The following TJP2 variants were observed in gnomAD, a reference collection of about 807,000 sequenced individuals.
TJP2 encodes the protein Friedreich ataxia region gene X104 (tight junction protein ZO-2).
A neutral mutation model predicts 133.1 loss-of-function variants in TJP2; 91 were observed. The ratio of observed to expected loss-of-function variants is 0.68; its 90% CI spans 0.58 to 0.81. The LOEUF is 0.81. Ranked by LOEUF, TJP2 falls within the 40% of genes least tolerant of loss-of-function variation. The pLI, the probability that TJP2 is intolerant of heterozygous loss-of-function variation, is 0.00. For missense variants in TJP2, 1,541 were observed against 1,565.6 expected (o/e 0.98, Z 0.26); for synonymous variants, 592 against 583.4 (o/e 1.01, Z -0.21).
intron 1 of TJP2, among the ~76,000 whole-genome samples, chr9:69,205,597 C>T (rs1448397778): frequency 6.6e-6 from 1 of 152,132 alleles, no homozygotes; most frequent in Admixed American, 6.5e-5. Flanking sequence ...AAACTTTTTG[C>T]TTTCTTACAC....
upstream of TJP2, among the ~76,000 whole-genome samples, chr9:69,169,783 ATTC>A (rs1824579407): frequency 6.6e-6 from 1 of 152,196 alleles, no homozygotes; most frequent in African/African-American, 2.4e-5. Flanking sequence ...AGATCTCCAC[ATTC>A]TTGAGAAAAT....
intron 12 of TJP2, among the ~76,000 whole-genome samples, chr9:69,235,620 C>A (rs760326325): frequency 6.6e-6 from 1 of 152,294 alleles, no homozygotes; most frequent in Non-Finnish European, 1.5e-5. Flanking sequence ...CCACGCCCAG[C>A]CTAGTTTCCT....
At position 69,121,980 on chromosome 9, in the gene TJP2, A is replaced by G. The variant is rs565675482; in HGVS notation, c.-131+255A>G. 241 of 152,406 alleles carry G rather than the reference A, an allele frequency of 1.6e-3. 1 individual carries two copies. Among genetic ancestry groups the G allele is most frequent in the Middle Eastern group, 0.01 (3 of 296 alleles). 9.4% of individuals were successfully genotyped at this position (152,406 alleles called of 1,614,324 possible). A position where few individuals can be genotyped will look rare whatever the true frequency, so the allele number is the denominator to read the frequency against. On this transcript the variant is annotated intron_variant, in intron 1 of 5. Coordinates refer to the TJP2 transcript ENST00000423935. Reference sequence around the variant, plus strand: ...GGTTTCTCTGCAGAGTGCGCTGTGTACTTCATCGGGCATTTACTTTTTCAC... The same window carrying G: ...GGTTTCTCTGCAGAGTGCGCTGTGTGCTTCATCGGGCATTTACTTTTTCAC...
In TJP2 at chr9:69,240,283, T is replaced by C. The variant is rs376388000; in HGVS notation, c.2566+136T>C. ...ACTCCTTGAAAAATAGTTAATCCTATAAAATGGGATATTAGGCCAATGGCA... is the reference window on the plus strand; with the variant it reads ...ACTCCTTGAAAAATAGTTAATCCTACAAAATGGGATATTAGGCCAATGGCA... On this transcript the variant is annotated intron_variant, in intron 17 of 22. Transcript: ENST00000377245. The C allele has an allele frequency of 5.5e-6, 5 of 903,162 alleles. No homozygotes were observed. In the African/African-American group the frequency reaches 6.7e-5, roughly 12 times the overall value. 55.9% of individuals were successfully genotyped at this position (903,162 alleles called of 1,614,324 possible).
intron 2 of TJP2, among the ~76,000 whole-genome samples, chr9:69,167,865 CA>C (rs33986127): frequency 0.44 from 56,901 of 128,714 alleles, 11,331 homozygotes; most frequent in East Asian, 0.63. Flanking sequence ...GAGAGTCTGT[CA>C]AAAAAAAAAA....
At chr9:69,236,356 C>A in intron 13 of TJP2, 118 bp downstream of exon 13, 1 of 1,000,350 alleles carries the variant, frequency 1.0e-6, no homozygotes, top group South Asian at 1.4e-5. Flanking sequence ...TACTTGTCAC[C>A]ATCTATTTCT....
At chr9:69,211,766 CTCCATCTGTGTGCTGGTATTTTTT>C (rs1827931158) in intron 1 of TJP2, among the ~76,000 whole-genome samples, 1 of 152,228 alleles carries the variant, frequency 6.6e-6, no homozygotes, top group African/African-American at 2.4e-5. Context: ...GTCACTGCAT[CTCCATCTGTGTGCTGGTATTTTTT>C]TCCCCTAATA....
At chr9:69,202,787 G>GGAGGCAGGC (rs1443943159) in intron 1 of TJP2, among the ~76,000 whole-genome samples, 1 of 151,880 alleles carries the variant, frequency 6.6e-6, no homozygotes, top group Non-Finnish European at 1.5e-5. Context: ...GGGAGGCAGG[G>GGAGGCAGGC]GAGGCAGGCA....
At chr9:69,160,762 AAG>A (rs1032965124) in intron 2 of TJP2, among the ~76,000 whole-genome samples, 8 of 152,344 alleles carry the variant, frequency 5.3e-5, no homozygotes, top group African/African-American at 1.9e-4. Flanking sequence ...ATCATGGCAG[AAG>A]GTAAAAAGCA....
intron 12 of TJP2, 83 bp from the exon 13 acceptor site, chr9:69,235,945 A>C: frequency 7.7e-7 from 1 of 1,297,800 alleles, no homozygotes; most frequent in Non-Finnish European, 1.1e-6. Flanking sequence ...AGGGGAGATC[A>C]GAGATAGGAG....
At chr9:69,199,719 C>T (rs1826850951) in intron 1 of TJP2, among the ~76,000 whole-genome samples, 3 of 152,160 alleles carry the variant, frequency 2.0e-5, no homozygotes, top group African/African-American at 7.2e-5. Flanking sequence ...TCCTTTCTTT[C>T]CTTTCTCCCT....
At chr9:69,213,652 C>A (rs1354722753) in intron 2 of TJP2, among the ~76,000 whole-genome samples, 1 of 152,216 alleles carries the variant, frequency 6.6e-6, no homozygotes, top group Non-Finnish European at 1.5e-5. Context: ...ACTTCCAGAT[C>A]AGTAATCACA....
chr9:69,153,199 C>T (rs548945384), intron 2 of TJP2, among the ~76,000 whole-genome samples: 1 of 152,098 alleles, frequency 6.6e-6, no homozygotes, highest in East Asian at 1.9e-4. Context: ...CACCACTGCA[C>T]CCCAGCCTGG....
intron 3 of TJP2, 118 bp downstream of exon 3, chr9:69,216,581 T>C: frequency 1.7e-6 from 2 of 1,149,934 alleles, no homozygotes; most frequent in Non-Finnish European, 2.4e-6. Flanking sequence ...AACTTTTATA[T>C]AATATTTGAA....
intron 1 of TJP2, among the ~76,000 whole-genome samples, chr9:69,147,634 A>G (rs1823271603): frequency 6.6e-6 from 1 of 152,178 alleles, no homozygotes; most frequent in African/African-American, 2.4e-5. Context: ...TTGCTAGATT[A>G]TTAATTTTTG....
At chr9:69,210,282 C>T in intron 1 of TJP2, among the ~76,000 whole-genome samples, 1 of 76,856 alleles carries the variant, frequency 1.3e-5, no homozygotes, top group Non-Finnish European at 2.7e-5. Flanking sequence ...GAGTGAGACC[C>T]CGTCCCCCCC....
intron 2 of TJP2, among the ~76,000 whole-genome samples, chr9:69,159,221 C>CAGGA (rs1823933715): frequency 6.6e-6 from 1 of 151,718 alleles, no homozygotes. Flanking sequence ...GGTGCTGAGG[C>CAGGA]AGGAAGATAA....
At chr9:69,210,839 C>T (rs1487136848) in intron 1 of TJP2, among the ~76,000 whole-genome samples, 4 of 151,652 alleles carry the variant, frequency 2.6e-5, no homozygotes, top group Non-Finnish European at 2.9e-5. Context: ...CTGATCACCC[C>T]GCCTCAGCCT....
At chr9:69,234,582 G>C (rs777514205) in intron 12 of TJP2, 35 bp downstream of exon 12, 9 of 1,230,928 alleles carry the variant, frequency 7.3e-6, no homozygotes, top group Admixed American at 5.4e-5. Flanking sequence ...TAGTTGGGGT[G>C]GGGGTGGGGA....
Sources: gnomAD v4.1 joint callset for allele counts (sites outside exome capture counted in the v4.1 genomes callset) on GRCh38, gnomAD v4.1.1 for gene constraint, MANE v1.5 for transcripts, NCBI Gene and HGNC (gene_info 2026-07-23, HGNC 2026-07-21) for gene names.